FHIP1A: variants seen among roughly 807,000 people sequenced by gnomAD.
The protein encoded by FHIP1A is FHF complex subunit HOOK-interacting protein 1A.
A neutral mutation model predicts 88.6 loss-of-function variants in FHIP1A; 61 were observed. That is an observed-to-expected ratio of 0.69 (90% CI 0.56 to 0.85). FHIP1A has a LOEUF of 0.85. FHIP1A is among the 40% of genes least tolerant of loss of function. The pLI, the probability that FHIP1A is intolerant of heterozygous loss-of-function variation, is 0.00. For missense variants in FHIP1A, 1,154 were observed against 1,273.5 expected, an observed-to-expected ratio of 0.91 and a Z score of 1.43; for synonymous variants, 478 against 496.0, an observed-to-expected ratio of 0.96 and a Z score of 0.48.
At chr4:151,648,822 G>A (rs1237786205) in intron 10 of FHIP1A, among the ~76,000 whole-genome samples, 6 of 151,186 alleles carry the variant, frequency 4.0e-5, no homozygotes, top group Admixed American at 6.6e-5. Context: ...AGATATTTTC[G>A]CAGCTATTTC....
intron 2 of FHIP1A, among the ~76,000 whole-genome samples, chr4:151,455,259 A>C (rs1218047756): frequency 6.6e-6 from 1 of 152,242 alleles, no homozygotes; most frequent in African/African-American, 2.4e-5. Context: ...GCCAAAGAAT[A>C]TAAAGATGTT....
At chr4:151,438,605 CTTTTTTTT>C (rs200467402) in intron 1 of FHIP1A, among the ~76,000 whole-genome samples, 3 of 132,464 alleles carry the variant, frequency 2.3e-5, no homozygotes. Context: ...CGGTTTTTGC[CTTTTTTTT>C]TTTTTTTTTA....
rs10711474 is a variant in FHIP1A, at chr4:151,531,504, C to CT, written c.-122-34622dup. 4.7e-3 allele frequency among the ~76,000 whole-genome samples: 684 copies of CT among 145,352 alleles called. 5 individuals carry two copies. The highest frequency in any genetic ancestry group is 6.2e-3 in the Non-Finnish European group (414 of 66,288). On this transcript the variant is annotated intron_variant, in intron 3 of 13. Transcript: ENST00000435205. The stretch of plus-strand genomic sequence containing the variant: ...CCTGTACCGCATTTTCTTTTTTCTT[C>CT]TTTTTTTTTTTTGCCTTATGAACCA...
At chr4:151,443,571 A>G (rs1728484859) in intron 1 of FHIP1A, among the ~76,000 whole-genome samples, 1 of 151,214 alleles carries the variant, frequency 6.6e-6, no homozygotes, top group Non-Finnish European at 1.5e-5. Flanking sequence ...GGAAAGAAAG[A>G]TGGGAAAGTT....
At chr4:151,598,936 G>GA (rs1421256353) in intron 7 of FHIP1A, among the ~76,000 whole-genome samples, 1 of 152,128 alleles carries the variant, frequency 6.6e-6, no homozygotes, top group Non-Finnish European at 1.5e-5. Context: ...ATGTTGTGTA[G>GA]AAAAAACAGT....
chr4:151,576,260 T>C (rs1733787215), intron 4 of FHIP1A, among the ~76,000 whole-genome samples: 1 of 152,190 alleles, frequency 6.6e-6, no homozygotes, highest in African/African-American at 2.4e-5. Flanking sequence ...TTTAAATTGT[T>C]AATTGAGTTT....
chr4:151,595,294 A>G (rs1383223969), intron 7 of FHIP1A, among the ~76,000 whole-genome samples: 1 of 152,212 alleles, frequency 6.6e-6, no homozygotes, highest in Non-Finnish European at 1.5e-5. Flanking sequence ...CCCAGTAGTT[A>G]TTCAGGAGCA....
intron 4 of FHIP1A, among the ~76,000 whole-genome samples, chr4:151,571,225 G>A (rs1479893653): frequency 1.3e-5 from 2 of 152,200 alleles, no homozygotes; most frequent in African/African-American, 4.8e-5. Flanking sequence ...GAACAGAGGA[G>A]GTGGGTTAAA....
intron 7 of FHIP1A, among the ~76,000 whole-genome samples, chr4:151,605,638 A>T (rs544301150): frequency 6.6e-6 from 1 of 152,334 alleles, no homozygotes; most frequent in South Asian, 2.1e-4. Context: ...CCATTTCCTT[A>T]AAGGCATGTG....
chr4:151,543,908 A>G (rs774888225), intron 3 of FHIP1A, among the ~76,000 whole-genome samples: 2 of 152,192 alleles, frequency 1.3e-5, no homozygotes, highest in Non-Finnish European at 2.9e-5. Flanking sequence ...GGTTGTATCT[A>G]TTTATTACTT....
chr4:151,648,368 T>C (rs1736874507), intron 10 of FHIP1A, among the ~76,000 whole-genome samples: 1 of 152,186 alleles, frequency 6.6e-6, no homozygotes, highest in Admixed American at 6.5e-5. Context: ...TTGATGTCTT[T>C]TTACATAACA....
At chr4:151,624,423 C>A (rs1735866645) in intron 7 of FHIP1A, among the ~76,000 whole-genome samples, 1 of 152,090 alleles carries the variant, frequency 6.6e-6, no homozygotes, top group Admixed American at 6.5e-5. Context: ...GGCAGACAGA[C>A]CCCAGCTCCA....
At chr4:151,519,576 GTA>G (rs907031653) in intron 3 of FHIP1A, among the ~76,000 whole-genome samples, 1 of 151,996 alleles carries the variant, frequency 6.6e-6, no homozygotes, top group African/African-American at 2.4e-5. Context: ...GTGTGTGTGT[GTA>G]TAGTAAGTGT....
intron 3 of FHIP1A, among the ~76,000 whole-genome samples, chr4:151,491,377 GT>G (rs1467091652): frequency 3.9e-5 from 6 of 152,170 alleles, no homozygotes; most frequent in Non-Finnish European, 8.8e-5. Context: ...CAAGAATTTT[GT>G]ATCCAGTGAA....
intron 3 of FHIP1A, among the ~76,000 whole-genome samples, chr4:151,496,716 CTTTTTTT>C (rs58538673): frequency 9.8e-6 from 1 of 102,472 alleles, no homozygotes; most frequent in Non-Finnish European, 1.9e-5. Flanking sequence ...CCACGTCCAG[CTTTTTTT>C]TTTTTTTTTT....
intron 3 of FHIP1A, among the ~76,000 whole-genome samples, chr4:151,500,069 A>G (rs192676382): frequency 1.0e-3 from 156 of 152,314 alleles, no homozygotes; most frequent in African/African-American, 3.4e-3. Context: ...TACTGTTTAT[A>G]GGTCTTTGAC....
At position 151,535,132 on chromosome 4, in the gene FHIP1A, CT is replaced by C. The variant is rs1431119047; in HGVS notation, c.-122-31004del. On this transcript the variant is annotated intron_variant, in intron 3 of 13. Transcript: ENST00000435205. ...TGGAAGGCTGAGGTGGAGAGGATTG[CT>C]TGAGCCCCGGAAATCAAAGCTGCAG... 2.0e-5 allele frequency among the ~76,000 whole-genome samples: 3 copies of C among 152,224 alleles called. No homozygotes were observed. In the East Asian group the frequency reaches 5.8e-4, roughly 29 times the overall value.
intron 3 of FHIP1A, among the ~76,000 whole-genome samples, chr4:151,499,643 A>G (rs926124589): frequency 3.9e-5 from 6 of 152,196 alleles, no homozygotes; most frequent in Admixed American, 2.6e-4. Flanking sequence ...AGACTGGGTA[A>G]TTTTTAAAGG....
At chr4:151,558,709 C>T (rs968139893) in intron 3 of FHIP1A, among the ~76,000 whole-genome samples, 6 of 152,136 alleles carry the variant, frequency 3.9e-5, no homozygotes, top group Non-Finnish European at 7.3e-5. Context: ...AAAAAGAGGT[C>T]CTAGAAAAAA....
Sources: allele counts gnomAD v4.1 joint callset (sites outside exome capture counted in the v4.1 genomes callset), GRCh38; gene constraint gnomAD v4.1.1; transcripts MANE v1.5; gene names NCBI Gene and HGNC (gene_info 2026-07-23, HGNC 2026-07-21).